The following PHF3 variants were observed in gnomAD, a reference collection of about 807,000 sequenced individuals.
The protein encoded by PHF3 is PHD finger protein 3.
A neutral mutation model predicts 178.4 loss-of-function variants in PHF3; 41 were observed. The observed-to-expected ratio is 0.23, with a 90% CI of 0.18 to 0.30. The LOEUF is 0.30. Among genes scored for constraint, PHF3 ranks in the 10% least tolerant of loss-of-function variants. The probability of loss-of-function intolerance (pLI) is 1.00; values close to 1 mark genes in which losing one functional copy is unlikely to be tolerated. For synonymous variants in PHF3, 842 were observed against 800.5 expected, an observed-to-expected ratio of 1.05 and a Z score of -0.88; for missense variants, 2,346 against 2,398.1, an observed-to-expected ratio of 0.98 and a Z score of 0.45.
chr6:63,706,858 C>T lies in PHF3; in HGVS notation c.3693C>T (p.Ser1231=). Residue 1231 remains serine (S), a synonymous_variant, in exon 13 of 16, where the codon TCC becomes TCT. Coordinates refer to ENST00000262043, the MANE Select transcript of PHF3 (RefSeq NM_001370348.2). ...FVTKAYPVSG[S]PEYLTEDLPD... ...CCAAAGCCTATCCAGTATCTGGCTC[C>T]CCAGAATACCTGACAGAGGTACTGT... 1 of 1,613,820 alleles carries T rather than the reference C, an allele frequency of 6.2e-7. No individual in the cohort carries two copies. Among genetic ancestry groups the T allele is most frequent in the Non-Finnish European group, 8.5e-7 (1 of 1,179,850 alleles).
chr6:63,645,153 C>T (rs185272461), intron 1 of PHF3, among the ~76,000 whole-genome samples: 2 of 152,026 alleles, frequency 1.3e-5, no homozygotes, highest in Non-Finnish European at 2.9e-5. Flanking sequence ...GCTAGGAATA[C>T]AGGCATGAGC....
intron 1 of PHF3, among the ~76,000 whole-genome samples, chr6:63,637,981 CTT>C (rs1387862806): frequency 1.3e-5 from 2 of 152,000 alleles, no homozygotes; most frequent in African/African-American, 2.4e-5. Flanking sequence ...TGCATTCTCT[CTT>C]GTTGGGATAG....
At chr6:63,705,806 A>G (rs1767664312) in intron 11 of PHF3, among the ~76,000 whole-genome samples, 1 of 152,208 alleles carries the variant, frequency 6.6e-6, no homozygotes, top group South Asian at 2.1e-4. Context: ...GTCCCTGTAT[A>G]TAGAAGAGGG....
chr6:63,685,283 A>G lies in PHF3; in HGVS notation c.1561A>G (p.Thr521Ala). ...AAKYEVIHSK[T>A]KVNVKSVKRN... ...AAAGTATGAAGTAATACATAGCAAA[A>G]CTAAAGTTAATGTCAAAAGTGTGAA... The change falls in exon 4 of 16, where the codon ACT (threonine) becomes GCT (alanine). Residue 521 changes from threonine to alanine, a missense_variant. Transcript: ENST00000262043. 2 of 1,614,088 alleles carry G rather than the reference A, an allele frequency of 1.2e-6. No homozygotes were observed. Among genetic ancestry groups the G allele is most frequent in the Non-Finnish European group, 1.7e-6 (2 of 1,180,000 alleles).
chr6:63,684,262 G>A lies in PHF3; in HGVS notation c.540G>A (p.Gln180=), dbSNP rs145702169. ...KAGVKQPERS[Q]VKEEVCMSLK... is the part of the protein sequence containing the mutation. The stretch of plus-strand genomic sequence containing the variant: ...GAGTGAAACAACCAGAAAGGAGTCA[G>A]GTTAAAGAAGAAGTATGTATGTCAC... Residue 180 remains glutamine (Q), a synonymous_variant, in exon 4 of 16, where the codon CAG becomes CAA. Coordinates refer to ENST00000262043, the MANE Select transcript of PHF3 (RefSeq NM_001370348.2). 4.3e-6 allele frequency: 7 copies of A among 1,613,854 alleles called. No homozygotes were observed. The Middle Eastern group carries it at 6.6e-4, about 152-fold the overall frequency.
chr6:63,712,930 C>A lies in PHF3; in HGVS notation c.5342C>A (p.Thr1781Asn). 6.2e-7 allele frequency: 1 copy of A among 1,614,004 alleles called. No homozygotes were observed. The highest frequency in any genetic ancestry group is 8.5e-7 in the Non-Finnish European group (1 of 1,179,972). ...TCAGAATTTCCTTCTAAAAGCATCA[C>A]CTTTACTTCCAGAAGCACCAGCCCC... ...CPSEFPSKSI[T>N]FTSRSTSPRT... Residue 1781 changes from threonine (T) to asparagine (N), a missense_variant, in exon 16 of 16, where the codon ACC becomes AAC. Thr to Asn is a moderately conservative substitution (Grantham distance 65, BLOSUM62 0). Around this residue, in one of 8 missense-constraint regions of PHF3, gnomAD observed 839 missense variants for 806.9 expected, o/e 1.04. Coordinates refer to ENST00000262043, the MANE Select transcript of PHF3 (RefSeq NM_001370348.2).
chr6:63,688,117 C>T (rs1192620344), intron 4 of PHF3, among the ~76,000 whole-genome samples: 4 of 142,804 alleles, frequency 2.8e-5, no homozygotes, highest in South Asian at 4.6e-4. Context: ...ACCCGGGAGG[C>T]GGAGCTTGCA....
At chr6:63,691,457 C>A (rs1766995887) in intron 4 of PHF3, among the ~76,000 whole-genome samples, 1 of 151,994 alleles carries the variant, frequency 6.6e-6, no homozygotes, top group African/African-American at 2.4e-5. Context: ...TGACAAAGGC[C>A]AGTTGTCTTT....
intron 9 of PHF3, among the ~76,000 whole-genome samples, chr6:63,701,696 A>G (rs750696930): frequency 2.8e-4 from 42 of 152,102 alleles, no homozygotes; most frequent in African/African-American, 9.7e-4. Context: ...TTCTTCATAC[A>G]TTCCTTTACC....
intron 13 of PHF3, among the ~76,000 whole-genome samples, chr6:63,707,247 T>C (rs1476491297): frequency 2.0e-5 from 3 of 152,234 alleles, no homozygotes; most frequent in Non-Finnish European, 4.4e-5. Context: ...GTTAAACAGA[T>C]CTTCTGATTT....
At chr6:63,694,061 G>A (rs1047916786) in intron 5 of PHF3, among the ~76,000 whole-genome samples, 1 of 152,120 alleles carries the variant, frequency 6.6e-6, no homozygotes, top group Non-Finnish European at 1.5e-5. Flanking sequence ...TCCTCTCCCT[G>A]TCTTTCAGGA....
In PHF3 at chr6:63,713,770, A is replaced by G. The variant is rs1273473663; in HGVS notation, c.*62A>G. 7.5e-7 allele frequency: 1 copy of G among 1,340,684 alleles called. No homozygotes were observed. Among genetic ancestry groups the G allele is most frequent in the Non-Finnish European group, 1.0e-6 (1 of 995,110 alleles). 83.0% of individuals were successfully genotyped at this position (1,340,684 alleles called of 1,614,324 possible). A position where few individuals can be genotyped will look rare whatever the true frequency, so the allele number is the denominator to read the frequency against. On this transcript the variant is annotated 3_prime_UTR_variant, in exon 16 of 16. Transcript: ENST00000262043. ...TGTTAAAATGTTGTATCTTGTAAAC[A>G]AAAGAAAGATTGCCTGCTAGGATTG...
At position 63,706,012 on chromosome 6, in the gene PHF3, A is replaced by G; in HGVS notation, c.3368-17A>G. On this transcript the variant is annotated splice_polypyrimidine_tract_variant and intron_variant, in intron 11 of 15. Transcript: ENST00000262043. ...TGTAGTTAACAGTTGGTTTCTTTTG[A>G]TGTATTCTGGGCTTAGGTCGAATGG... 6.3e-7 allele frequency: 1 copy of G among 1,575,180 alleles called. No individual in the cohort carries two copies.
At position 63,718,646 on chromosome 6, in the gene PHF3, A is replaced by G. The variant is rs1768261915; in HGVS notation, c.*4938A>G. On this transcript the variant is annotated 3_prime_UTR_variant, in exon 16 of 16. Transcript: ENST00000262043. The stretch of plus-strand genomic sequence containing the variant: ...AAATATATGAAGAAAATCTGGCTAT[A>G]TGTGCATTTGTTTTTGGGAAAGGGA... 6.6e-6 allele frequency among the ~76,000 whole-genome samples: 1 copy of G among 151,958 alleles called. No homozygotes were observed. The highest frequency in any genetic ancestry group is 2.1e-4 in the South Asian group (1 of 4,834).
chr6:63,643,742 A>G (rs3757350), intron 1 of PHF3, among the ~76,000 whole-genome samples: 11,901 of 152,284 alleles, frequency 0.078, 537 homozygotes, highest in East Asian at 0.16. Flanking sequence ...ATACTTCATA[A>G]GTCATAATAG....
intron 2 of PHF3, among the ~76,000 whole-genome samples, chr6:63,652,006 A>C (rs1198569836): frequency 1.3e-5 from 2 of 152,190 alleles, no homozygotes; most frequent in Non-Finnish European, 2.9e-5. Context: ...TGCTGTAATA[A>C]ACATGGGAGT....
At chr6:63,687,159 G>A in intron 4 of PHF3, among the ~76,000 whole-genome samples, 1 of 152,198 alleles carries the variant, frequency 6.6e-6, no homozygotes, top group East Asian at 1.9e-4. Flanking sequence ...TCGCATGCCT[G>A]TAATCCCAGC....
intron 12 of PHF3, 147 bp from the exon 13 acceptor site, chr6:63,706,582 A>G (rs993071100): frequency 6.0e-6 from 4 of 662,350 alleles, no homozygotes; most frequent in African/African-American, 5.5e-5. Flanking sequence ...ATATGAATGT[A>G]ATTTTATAAA....
intron 10 of PHF3, among the ~76,000 whole-genome samples, chr6:63,703,061 A>G (rs888489629): frequency 1.2e-4 from 19 of 152,142 alleles, no homozygotes; most frequent in Admixed American, 1.2e-3. Flanking sequence ...TATTTTTAGT[A>G]GAGACAGAGT....
Sources: gnomAD v4.1 joint callset for allele counts (sites outside exome capture counted in the v4.1 genomes callset) on GRCh38, gnomAD v4.1.1 for gene constraint, gnomAD v4.1.1 regional missense constraint, MANE v1.5 for transcripts, NCBI Gene and HGNC (gene_info 2026-07-23, HGNC 2026-07-21) for gene names.